Variants in DLGAP2 observed in about 807,000 individuals in gnomAD.
The protein encoded by DLGAP2 is disks large-associated protein 2.
DLGAP2 carries 26 observed loss-of-function variants against 100.3 expected under a neutral mutation model. The ratio of observed to expected loss-of-function variants is 0.26; its 90% CI spans 0.19 to 0.36. The LOEUF is 0.36. Among genes scored for constraint, DLGAP2 ranks in the 10% least tolerant of loss-of-function variants. The probability of loss-of-function intolerance (pLI) is 1.00; values close to 1 mark genes in which losing one functional copy is unlikely to be tolerated. For missense variants in DLGAP2, 1,858 were observed against 1,453.2 expected (o/e 1.28, Z -4.53); for synonymous variants, 886 against 630.1 (o/e 1.41, Z -6.08).
At chr8:1,574,259 G>C (rs903740761) in intron 6 of DLGAP2, among the ~76,000 whole-genome samples, 1 of 152,108 alleles carries the variant, frequency 6.6e-6, no homozygotes, top group African/African-American at 2.4e-5. Flanking sequence ...TAGTGTATGG[G>C]GGGTAACGTG....
intron 2 of DLGAP2, among the ~76,000 whole-genome samples, chr8:1,009,470 T>C (rs1358174710): frequency 6.6e-6 from 1 of 152,250 alleles, no homozygotes; most frequent in African/African-American, 2.4e-5. Context: ...ACTTTTGGTA[T>C]TGCTTCTGAC....
At chr8:776,244 T>G (rs1434146981) in intron 1 of DLGAP2, among the ~76,000 whole-genome samples, 1 of 152,012 alleles carries the variant, frequency 6.6e-6, no homozygotes. Flanking sequence ...TCTCTCTTTT[T>G]TTCTTTATTA....
At chr8:1,189,248 C>T (rs1047632922) in intron 2 of DLGAP2, among the ~76,000 whole-genome samples, 2 of 152,232 alleles carry the variant, frequency 1.3e-5, no homozygotes, top group Non-Finnish European at 2.9e-5. Context: ...GTTGAGCATA[C>T]ACAGGGTTCG....
chr8:1,133,867 T>C (rs1796347684), intron 2 of DLGAP2, among the ~76,000 whole-genome samples: 1 of 152,112 alleles, frequency 6.6e-6, no homozygotes, highest in Non-Finnish European at 1.5e-5. Flanking sequence ...TTTTTTAAGT[T>C]CAGTGGTACA....
Position 1,235,730 on chromosome 8 carries a change from A to G in DLGAP2, c.74-23121A>G, listed in dbSNP as rs1205990814. Among the ~76,000 whole-genome samples the G allele has an allele frequency of 1.7e-4, 4 of 23,704 alleles. 2 individuals carry two copies. The highest frequency in any genetic ancestry group is 3.2e-4 in the Non-Finnish European group (4 of 12,488). 15.6% of individuals were successfully genotyped at this position (23,704 alleles called of 152,430 possible). A position where few individuals can be genotyped will look rare whatever the true frequency, so the allele number is the denominator to read the frequency against. On this transcript the variant is annotated intron_variant, in intron 2 of 14. Transcript: ENST00000637795. ...ATGGCGCCGTATCTAGTTCTCTCACATGGTGCCATATCTAGTTCTCTCTCA... is the reference window on the plus strand; with the variant it reads ...ATGGCGCCGTATCTAGTTCTCTCACGTGGTGCCATATCTAGTTCTCTCTCA...
At chr8:1,261,401 G>A (rs1421945145) in intron 3 of DLGAP2, among the ~76,000 whole-genome samples, 2 of 150,058 alleles carry the variant, frequency 1.3e-5, no homozygotes, top group East Asian at 3.9e-4. Context: ...GACTGGGAGG[G>A]CAGGTCAGCT....
chr8:1,615,653 GA>G (rs1300353468), intron 6 of DLGAP2, among the ~76,000 whole-genome samples: 4 of 148,248 alleles, frequency 2.7e-5, no homozygotes, highest in Admixed American at 6.8e-5. Context: ...GTAGTCTTAT[GA>G]ATGATATAAA....
At chr8:1,318,666 C>A (rs957830239) in intron 3 of DLGAP2, among the ~76,000 whole-genome samples, 2 of 152,052 alleles carry the variant, frequency 1.3e-5, no homozygotes, top group East Asian at 3.9e-4. Flanking sequence ...AAGTTAAATA[C>A]TGCCAAGCAA....
Position 1,351,269 on chromosome 8 carries a change from G to A in DLGAP2, c.106+92386G>A, listed in dbSNP as rs1206577355. On this transcript the variant is annotated intron_variant, in intron 3 of 14. Transcript: ENST00000637795. ...CTGACTGTGTGTGGAACGGCCGTGC[G>A]GGTCCTGACTGTGTGTGGAAAGGCC... 1.1e-4 allele frequency among the ~76,000 whole-genome samples: 10 copies of A among 93,810 alleles called. 1 individual carries two copies. Among genetic ancestry groups the A allele is most frequent in the Non-Finnish European group, 1.5e-4 (7 of 45,482 alleles). The allele number at this position is 93,810 out of a possible 152,430, so 61.5% of individuals were successfully genotyped here. A position where few individuals can be genotyped will look rare whatever the true frequency, so the allele number is the denominator to read the frequency against.
chr8:1,308,161 G>T (rs574054966), intron 3 of DLGAP2, among the ~76,000 whole-genome samples: 2 of 152,228 alleles, frequency 1.3e-5, no homozygotes, highest in Non-Finnish European at 2.9e-5. Context: ...GCCAGGGTAC[G>T]TGTGGAAGAA....
intron 3 of DLGAP2, among the ~76,000 whole-genome samples, chr8:1,371,012 C>G (rs565707234): frequency 7.2e-5 from 11 of 152,328 alleles, no homozygotes; most frequent in Admixed American, 5.2e-4. Context: ...ATGTGTCAGC[C>G]ACTTCTAATA....
At chr8:828,690 T>C (rs538755863) in intron 1 of DLGAP2, among the ~76,000 whole-genome samples, 24 of 152,290 alleles carry the variant, frequency 1.6e-4, no homozygotes, top group East Asian at 5.8e-4. Flanking sequence ...AGGGTACTGA[T>C]TGGGGAAGTG....
chr8:1,121,281 C>G (rs529358548), intron 2 of DLGAP2, among the ~76,000 whole-genome samples: 2 of 151,740 alleles, frequency 1.3e-5, no homozygotes, highest in South Asian at 2.1e-4. Flanking sequence ...ACCTCCCATC[C>G]TCGTCCAGTT....
At chr8:1,298,196 A>G (rs879383017) in intron 3 of DLGAP2, among the ~76,000 whole-genome samples, 5 of 152,208 alleles carry the variant, frequency 3.3e-5, no homozygotes, top group Non-Finnish European at 5.9e-5. Flanking sequence ...GCATGAACGG[A>G]CACCACGCGA....
intron 2 of DLGAP2, among the ~76,000 whole-genome samples, chr8:1,198,888 G>T (rs1309320600): frequency 6.6e-6 from 1 of 152,238 alleles, no homozygotes; most frequent in Non-Finnish European, 1.5e-5. Flanking sequence ...GCCTATGCAG[G>T]TGCACAGGGA....
intron 2 of DLGAP2, among the ~76,000 whole-genome samples, chr8:946,722 G>C (rs756611982): frequency 2.0e-4 from 30 of 152,328 alleles, no homozygotes; most frequent in Middle Eastern, 3.4e-3. Flanking sequence ...ATCACTCTGA[G>C]TGTCAGGACT....
Position 801,964 on chromosome 8 carries a change from A to ATGGT in DLGAP2, c.18+64139_18+64140insTGGT, listed in dbSNP as rs1796163275. ...GCCCTCCGTCCTCACGGCCTGGGGAACGGTCTGCACCCCTCCTGGGTCCTC... is the reference window on the plus strand; with the variant it reads ...GCCCTCCGTCCTCACGGCCTGGGGAATGGTCGGTCTGCACCCCTCCTGGGTCCTC... On this transcript the variant is annotated intron_variant, in intron 1 of 14. Coordinates refer to ENST00000637795, the MANE Select transcript of DLGAP2 (RefSeq NM_001346810.2). Among the ~76,000 whole-genome samples, 39 of 150,830 alleles carry ATGGT rather than the reference A, an allele frequency of 2.6e-4. 1 individual carries two copies. The highest frequency in any genetic ancestry group is 3.4e-3 in the Middle Eastern group (1 of 290).
intron 2 of DLGAP2, among the ~76,000 whole-genome samples, chr8:979,371 G>A (rs1249985352): frequency 6.6e-6 from 1 of 152,192 alleles, no homozygotes; most frequent in Non-Finnish European, 1.5e-5. Flanking sequence ...TTGAGTAGTT[G>A]AACCTAACAG....
chr8:1,626,756 G>A lies in DLGAP2; in HGVS notation c.1459G>A (p.Ala487Thr). ...GEHQTQTYLQ[A>T]ASDVPVGHSL... ...TTCCTGTAGCCAGACCTACCTGCAA[G>A]CTGCAAGCGATGTGCCTGTGGGACA... The change falls in exon 7 of 15, where the codon GCT (alanine) becomes ACT (threonine). Residue 487 changes from alanine (A) to threonine (T), a missense_variant. Ala to Thr is a moderately conservative substitution (Grantham distance 58, BLOSUM62 0). Coordinates refer to ENST00000637795, the MANE Select transcript of DLGAP2 (RefSeq NM_001346810.2). The A allele has an allele frequency of 1.2e-6, 2 of 1,603,314 alleles. No individual in the cohort carries two copies. The highest frequency in any genetic ancestry group is 1.1e-5 in the South Asian group (1 of 88,376).
Sources: allele counts gnomAD v4.1 joint callset (sites outside exome capture counted in the v4.1 genomes callset), GRCh38; gene constraint gnomAD v4.1.1; transcripts MANE v1.5; gene names NCBI Gene and HGNC (gene_info 2026-07-23, HGNC 2026-07-21).